The following RCAN1 variants were observed in gnomAD, a reference collection of about 807,000 sequenced individuals.
The protein encoded by RCAN1 is calcipressin-1.
In RCAN1, 11 loss-of-function variants were observed where a neutral mutation model predicts 22.9. That is an observed-to-expected ratio of 0.48 (90% CI 0.30 to 0.79). The LOEUF (loss-of-function observed/expected upper bound fraction) is 0.79, where lower values mean the gene tolerates loss of function less well. RCAN1 is among the 30% of genes least tolerant of loss of function. The probability of loss-of-function intolerance (pLI) is 0.06; values close to 1 mark genes in which losing one functional copy is unlikely to be tolerated. For synonymous variants in RCAN1, 136 were observed against 142.3 expected (o/e 0.96, Z 0.32); for missense variants, 291 against 337.8 (o/e 0.86, Z 1.09).
intron 1 of RCAN1, among the ~76,000 whole-genome samples, chr21:34,595,396 A>G (rs1384894431): frequency 1.3e-5 from 2 of 152,224 alleles, no homozygotes; most frequent in Non-Finnish European, 2.9e-5. Flanking sequence ...ACCATGAAAA[A>G]TACAGAAGCA....
intron 1 of RCAN1, among the ~76,000 whole-genome samples, chr21:34,568,530 T>A (rs1987117142): frequency 6.6e-6 from 1 of 152,242 alleles, no homozygotes; most frequent in Admixed American, 6.5e-5. Flanking sequence ...TTGTGCCACC[T>A]TGGTTCCCTG....
At chr21:34,575,849 A>G (rs1987398026) in intron 1 of RCAN1, among the ~76,000 whole-genome samples, 1 of 152,278 alleles carries the variant, frequency 6.6e-6, no homozygotes, top group South Asian at 2.1e-4. Context: ...AGTGACCCCA[A>G]AAGGTGTCAT....
intron 1 of RCAN1, among the ~76,000 whole-genome samples, chr21:34,606,023 A>G (rs2123732374): frequency 6.6e-6 from 1 of 152,284 alleles, no homozygotes; most frequent in East Asian, 1.9e-4. Context: ...GTGTGACCTC[A>G]GACAGGTTTA....
intron 1 of RCAN1, among the ~76,000 whole-genome samples, chr21:34,557,845 G>A (rs115392292): frequency 0.02 from 3,019 of 152,254 alleles, 77 homozygotes; most frequent in South Asian, 0.068. Flanking sequence ...ATGGATGTAA[G>A]CAGTCAACAC....
chr21:34,522,839 G>C lies in RCAN1; in HGVS notation c.426+698C>G, dbSNP rs544198430. ...TCCCTGACAATCTGTCAGCCCCTAA[G>C]GACATCAAATGGAACTCTGGGAGCT... is the stretch of plus-strand genomic sequence containing the variant. On this transcript the variant is annotated intron_variant, in intron 2 of 3. Coordinates refer to ENST00000313806, the MANE Select transcript of RCAN1 (RefSeq NM_004414.7). 4 of 152,316 alleles carry C rather than the reference G, an allele frequency of 2.6e-5. No homozygotes were observed. The East Asian group carries it at 7.7e-4, about 29-fold the overall frequency. The allele number at this position is 152,316 out of a possible 1,614,324, so 9.4% of individuals were successfully genotyped here.
chr21:34,588,723 T>C (rs781118271), intron 1 of RCAN1, among the ~76,000 whole-genome samples: 4 of 152,238 alleles, frequency 2.6e-5, no homozygotes, highest in Non-Finnish European at 4.4e-5. Flanking sequence ...TGACGAGATA[T>C]GCTCAATCAT....
chr21:34,519,397 C>CTTTTTTTTTTTTTTTTT (rs34152667), intron 3 of RCAN1, among the ~76,000 whole-genome samples: 6 of 102,784 alleles, frequency 5.8e-5, no homozygotes, highest in African/African-American at 1.5e-4. Context: ...TTCTTTCTTT[C>CTTTTTTTTTTTTTTTTT]TTTTTTTTTT....
intron 1 of RCAN1, among the ~76,000 whole-genome samples, chr21:34,589,459 G>T (rs74809080): frequency 2.0e-5 from 3 of 152,158 alleles, no homozygotes; most frequent in African/African-American, 4.8e-5. Context: ...TCCTGGAAAA[G>T]GACATGATCG....
intron 1 of RCAN1, among the ~76,000 whole-genome samples, chr21:34,551,681 A>G (rs1986373194): frequency 6.6e-6 from 1 of 152,146 alleles, no homozygotes; most frequent in South Asian, 2.1e-4. Context: ...ACCTTTGTTC[A>G]TTGGACTTCC....
chr21:34,601,512 C>T (rs1021563521), intron 1 of RCAN1, among the ~76,000 whole-genome samples: 1 of 152,102 alleles, frequency 6.6e-6, no homozygotes, highest in Non-Finnish European at 1.5e-5. Context: ...AGGTGGGTGT[C>T]CATCTATAAA....
At chr21:34,591,968 A>G (rs755594506) in intron 1 of RCAN1, among the ~76,000 whole-genome samples, 11 of 152,180 alleles carry the variant, frequency 7.2e-5, no homozygotes, top group Non-Finnish European at 1.3e-4. Flanking sequence ...CACCTCAAAT[A>G]CATGCAGTTC....
At chr21:34,597,473 C>T (rs1033120156) in intron 1 of RCAN1, among the ~76,000 whole-genome samples, 1 of 152,062 alleles carries the variant, frequency 6.6e-6, no homozygotes, top group Admixed American at 6.5e-5. Context: ...ACAGAACGTT[C>T]GGGAAGCTGC....
chr21:34,586,187 A>G (rs1391374993), intron 1 of RCAN1, among the ~76,000 whole-genome samples: 1 of 152,242 alleles, frequency 6.6e-6, no homozygotes. Context: ...TAACAAACTT[A>G]ACCCAACTGT....
At chr21:34,542,316 G>A (rs1158103563) in intron 1 of RCAN1, among the ~76,000 whole-genome samples, 1 of 152,134 alleles carries the variant, frequency 6.6e-6, no homozygotes, top group African/African-American at 2.4e-5. Flanking sequence ...TGGTGGAAAA[G>A]ACACCAAGTT....
intron 1 of RCAN1, among the ~76,000 whole-genome samples, chr21:34,598,814 T>C (rs943221747): frequency 6.6e-6 from 1 of 152,196 alleles, no homozygotes; most frequent in East Asian, 1.9e-4. Flanking sequence ...GTACAGACGA[T>C]AAACTCACCA....
At chr21:34,526,904 A>C (rs559515046) in intron 1 of RCAN1, 1 of 1,448,558 alleles carries the variant, frequency 6.9e-7, no homozygotes, top group African/African-American at 1.5e-5. Flanking sequence ...TGCAGCTTCC[A>C]CAGCATCCTG....
At chr21:34,613,700 T>G (rs1988739286) in intron 1 of RCAN1, 2 of 1,400,616 alleles carry the variant, frequency 1.4e-6, no homozygotes, top group Non-Finnish European at 1.9e-6. Flanking sequence ...CTAGAAAGCA[T>G]GCCTGGAAGC....
chr21:34,522,475 C>G (rs1184497795), intron 2 of RCAN1: 1 of 152,166 alleles, frequency 6.6e-6, no homozygotes, highest in Non-Finnish European at 1.5e-5. Context: ...TGTACTCACA[C>G]AGGAAGGCCT....
chr21:34,573,713 T>TAAAAATTCTGCATGCAAGATGAAATTA (rs2123686477), intron 1 of RCAN1, among the ~76,000 whole-genome samples: 2 of 152,344 alleles, frequency 1.3e-5, no homozygotes, highest in Non-Finnish European at 2.9e-5. Context: ...TTCTTGGTCC[T>TAAAAATTCTGCATGCAAGATGAAATTA]TTCTCTGGTA....
Sources: gnomAD v4.1 joint callset for allele counts (sites outside exome capture counted in the v4.1 genomes callset) on GRCh38, gnomAD v4.1.1 for gene constraint, MANE v1.5 for transcripts, NCBI Gene and HGNC (gene_info 2026-07-23, HGNC 2026-07-21) for gene names.